Variants in SLC35D4 observed in about 807,000 individuals in gnomAD.
SLC35D4 encodes the protein UDP-N-acetylglucosamine transporter SLC35D4.
At chr18:23,294,378 G>T in the SLC35D4 span, among the ~76,000 whole-genome samples, 5 of 152,116 alleles carry the variant, frequency 3.3e-5, no homozygotes, top group African/African-American at 9.7e-5. Context: ...AGGTCTGTGG[G>T]CTCATCCTTC....
At chr18:23,343,900 CTTT>C in the SLC35D4 span, among the ~76,000 whole-genome samples, 4 of 140,888 alleles carry the variant, frequency 2.8e-5, no homozygotes, top group African/African-American at 2.6e-5. Flanking sequence ...TGATCTCATT[CTTT>C]TTTTTTTTTT....
the SLC35D4 span, among the ~76,000 whole-genome samples, chr18:23,336,603 A>G: frequency 6.6e-6 from 1 of 152,104 alleles, no homozygotes; most frequent in Admixed American, 6.5e-5. Flanking sequence ...GAACATATGA[A>G]GGTGTTGAAT....
the SLC35D4 span, among the ~76,000 whole-genome samples, chr18:23,241,259 G>A: frequency 6.6e-6 from 1 of 151,908 alleles, no homozygotes; most frequent in Non-Finnish European, 1.5e-5. Context: ...AGTGGATCAC[G>A]CCTATAAATC....
chr18:23,341,605 A>T, the SLC35D4 span, among the ~76,000 whole-genome samples: 1 of 152,234 alleles, frequency 6.6e-6, no homozygotes, highest in African/African-American at 2.4e-5. Context: ...CAATGACATC[A>T]TGGGAATGCT....
the SLC35D4 span, chr18:23,258,567 AAGAG>A: frequency 6.6e-6 from 1 of 152,208 alleles, no homozygotes; most frequent in East Asian, 1.9e-4. Context: ...TCATAGCTGC[AAGAG>A]AGAGGCACCA....
At chr18:23,416,551 C>G in the SLC35D4 span, among the ~76,000 whole-genome samples, 2 of 152,144 alleles carry the variant, frequency 1.3e-5, no homozygotes, top group East Asian at 3.9e-4. Context: ...CACGAAAGAA[C>G]GTGGGTGCTG....
chr18:23,310,729 G>T, the SLC35D4 span, among the ~76,000 whole-genome samples: 6 of 152,002 alleles, frequency 3.9e-5, no homozygotes, highest in Non-Finnish European at 4.4e-5. Flanking sequence ...GAAGGAAGGA[G>T]TATGTTTATG....
chr18:23,382,170 G>A, the SLC35D4 span, among the ~76,000 whole-genome samples: 1 of 149,744 alleles, frequency 6.7e-6, no homozygotes, highest in Admixed American at 6.7e-5. Context: ...AACCCGGGCA[G>A]CGTAGGTTAC....
At chr18:23,298,020 C>T in the SLC35D4 span, 34 of 1,613,436 alleles carry the variant, frequency 2.1e-5, no homozygotes, top group South Asian at 6.6e-5. Context: ...GGAGCTCTTC[C>T]GCTCTGAGAA....
the SLC35D4 span, chr18:23,331,124 A>G: frequency 6.6e-6 from 1 of 152,208 alleles, no homozygotes; most frequent in Non-Finnish European, 1.5e-5. Context: ...GTTAAACCTC[A>G]TGGTCTGAGA....
chr18:23,240,429 G>A, the SLC35D4 span, among the ~76,000 whole-genome samples: 2 of 152,200 alleles, frequency 1.3e-5, no homozygotes, highest in Non-Finnish European at 2.9e-5. Context: ...CCACTGACTC[G>A]GCCCCAGGCA....
At chr18:23,353,953 T>G in the SLC35D4 span, among the ~76,000 whole-genome samples, 2,016 of 152,324 alleles carry the variant, frequency 0.013, 42 homozygotes, top group African/African-American at 0.046. Flanking sequence ...AAGTCTCACT[T>G]TATTAACAAT....
the SLC35D4 span, among the ~76,000 whole-genome samples, chr18:23,303,229 T>C: frequency 6.6e-6 from 1 of 152,208 alleles, no homozygotes; most frequent in Non-Finnish European, 1.5e-5. Flanking sequence ...GTGGTTCACT[T>C]TGTGGTTGGA....
chr18:23,389,083 G>A, the SLC35D4 span, among the ~76,000 whole-genome samples: 3 of 143,354 alleles, frequency 2.1e-5, no homozygotes, highest in Admixed American at 7.3e-5. Context: ...TCCACCTCCC[G>A]GGTTCAAGTG....
At chr18:23,260,864 C>T in the SLC35D4 span, among the ~76,000 whole-genome samples, 3 of 152,058 alleles carry the variant, frequency 2.0e-5, no homozygotes, top group African/African-American at 7.2e-5. Flanking sequence ...AAAGCAGCTT[C>T]CAGTCATGCA....
chr18:23,353,179 G>C, the SLC35D4 span, among the ~76,000 whole-genome samples: 8 of 151,676 alleles, frequency 5.3e-5, no homozygotes, highest in African/African-American at 1.7e-4. Context: ...GTGGTGGTTT[G>C]AGTGTGACTG....
chr18:23,272,305 G>A, the SLC35D4 span, among the ~76,000 whole-genome samples: 3 of 152,096 alleles, frequency 2.0e-5, no homozygotes, highest in African/African-American at 4.8e-5. Flanking sequence ...CCTATTCCTT[G>A]TCGGTCTCTT....
chr18:23,270,840 G>A, the SLC35D4 span, among the ~76,000 whole-genome samples: 1 of 152,254 alleles, frequency 6.6e-6, no homozygotes, highest in Non-Finnish European at 1.5e-5. Flanking sequence ...GCACTGGACA[G>A]TTACAATAGG....
the SLC35D4 span, among the ~76,000 whole-genome samples, chr18:23,255,852 T>C: frequency 1.3e-3 from 199 of 152,258 alleles, no homozygotes; most frequent in African/African-American, 4.3e-3. Flanking sequence ...TGAGTCACCA[T>C]ACCCGGCCAA....
Sources: allele counts gnomAD v4.1 joint callset (sites outside exome capture counted in the v4.1 genomes callset), GRCh38; gene constraint gnomAD v4.1.1; transcripts MANE v1.5; gene names NCBI Gene and HGNC (gene_info 2026-07-23, HGNC 2026-07-21).